The following NRROS variants were observed in gnomAD, a reference collection of about 807,000 sequenced individuals.
NRROS encodes the protein transforming growth factor beta activator LRRC33.
In NRROS, 6 loss-of-function variants were observed where a neutral mutation model predicts 12.0. The observed-to-expected ratio is 0.50, with a 90% confidence interval of 0.27 to 0.98. The LOEUF (loss-of-function observed/expected upper bound fraction) is 0.98. Among genes scored for constraint, NRROS ranks in the 50% least tolerant of loss-of-function variants. The probability of loss-of-function intolerance (pLI) is 0.11; values close to 1 mark genes in which losing one functional copy is unlikely to be tolerated. For synonymous variants in NRROS, 462 were observed against 410.2 expected, an observed-to-expected ratio of 1.13 and a Z score of -1.53; for missense variants, 857 against 888.2, an observed-to-expected ratio of 0.96 and a Z score of 0.45.
intron 2 of NRROS, among the ~76,000 whole-genome samples, chr3:196,659,183 G>C (rs1737606356): frequency 6.6e-6 from 1 of 151,984 alleles, no homozygotes; most frequent in Admixed American, 6.6e-5. Flanking sequence ...GCACTGAACT[G>C]GGCATTCAGA....
At chr3:196,657,693 G>A (rs1370966067) in intron 2 of NRROS, among the ~76,000 whole-genome samples, 3 of 143,594 alleles carry the variant, frequency 2.1e-5, no homozygotes, top group African/African-American at 5.2e-5. Flanking sequence ...GACGACAAGA[G>A]TGAGACTCTG....
chr3:196,661,496 T>G lies in NRROS; in HGVS notation c.1853T>G (p.Met618Arg). ...GGGCAGACGGTGGCCGACTGGGCCATGGTCACCTGCAACCTCTCCTCCAAG... is the reference window on the plus strand; with the variant it reads ...GGGCAGACGGTGGCCGACTGGGCCAGGGTCACCTGCAACCTCTCCTCCAAG... ...QHGQTVADWAMVTCNLSSKII... is the reference protein window; with the variant it reads ...QHGQTVADWARVTCNLSSKII... Residue 618 changes from methionine to arginine, a missense_variant, in exon 3 of 3, where the codon ATG (methionine) becomes AGG (arginine). Transcript: ENST00000328557. 1 of 1,609,876 alleles carries G rather than the reference T, an allele frequency of 6.2e-7. No homozygotes were observed. Among genetic ancestry groups the G allele is most frequent in the Non-Finnish European group, 8.5e-7 (1 of 1,176,828 alleles).
In NRROS at chr3:196,660,978, T is replaced by C. The variant is rs773942496; in HGVS notation, c.1335T>C (p.Ala445=). 1 of 1,614,218 alleles carries C rather than the reference T, an allele frequency of 6.2e-7. No individual in the cohort carries two copies. The highest frequency in any genetic ancestry group is 1.7e-5 in the Admixed American group (1 of 60,024). Residue 445 remains alanine (A), a synonymous_variant, in exon 3 of 3, where the codon GCT becomes GCC. Transcript: ENST00000328557. The surrounding 1 kb of genome is among the most constrained non-coding windows in gnomAD (Gnocchi z 7.7). The part of the protein sequence containing the change: ...HNQISLCPLP[A]ASDRVGPPSC... ...AGATCTCACTTTGTCCCCTGCCAGC[T>C]GCCTCGGACCGGGTGGGCCCCCCTA...
rs201623634 is a variant in NRROS at position 196,659,840 on chromosome 3, C to T, written c.197C>T (p.Ala66Val). ...CACGCCCGGATGCTCACCCTGGATG[C>T]CAACCCTCTCAAGACCCTGTGGAAT... ...PPHARMLTLD[A>V]NPLKTLWNHS... Residue 66 changes from alanine to valine, a missense_variant, in exon 3 of 3, where the codon GCC (alanine) becomes GTC (valine). Transcript: ENST00000328557. 437 of 1,614,064 alleles carry T rather than the reference C, an allele frequency of 2.7e-4. 5 individuals carry two copies. In the South Asian group the frequency reaches 4.0e-3, roughly 15 times the overall value.
At position 196,659,913 on chromosome 3, in the gene NRROS, C is replaced by T; in HGVS notation, c.270C>T (p.Ser90=). The change falls in exon 3 of 3, where the codon AGC becomes AGT. Residue 90 remains serine (S), a synonymous_variant. Coordinates refer to ENST00000328557, the MANE Select transcript of NRROS (RefSeq NM_198565.3). ...YPLLESLSLH[S]CHLERISRGA... ...TCCTGGAGAGCCTCAGCCTGCACAG[C>T]TGCCACCTGGAGCGCATCAGCCGCG... 1 of 1,614,130 alleles carries T rather than the reference C, an allele frequency of 6.2e-7. No homozygotes were observed. The highest frequency in any genetic ancestry group is 8.5e-7 in the Non-Finnish European group (1 of 1,180,012).
chr3:196,645,178 TTTTAGC>T (rs1218577012), intron 1 of NRROS, among the ~76,000 whole-genome samples: 1 of 152,186 alleles, frequency 6.6e-6, no homozygotes, highest in African/African-American at 2.4e-5. Flanking sequence ...TCCACTCAAC[TTTTAGC>T]TTGTGATGAG....
At chr3:196,659,727 C>T (rs1260568965) in intron 2 of NRROS, 25 bp from the exon 3 acceptor site, 15 of 1,589,994 alleles carry the variant, frequency 9.4e-6, no homozygotes, top group Non-Finnish European at 1.2e-5. Context: ...CTCCTCGCTG[C>T]TGACCGGTGT....
chr3:196,647,332 G>T (rs1022665571), intron 1 of NRROS, among the ~76,000 whole-genome samples: 5 of 152,074 alleles, frequency 3.3e-5, no homozygotes, highest in Non-Finnish European at 7.4e-5. Flanking sequence ...ACAGTTCTTA[G>T]GGGGGGAGAA....
At chr3:196,642,750 C>T (rs1737232672) in intron 1 of NRROS, among the ~76,000 whole-genome samples, 1 of 152,166 alleles carries the variant, frequency 6.6e-6, no homozygotes, top group Non-Finnish European at 1.5e-5. Flanking sequence ...CTTAACACTA[C>T]TGAATTGTAC....
chr3:196,640,445 TG>T (rs999501710), intron 1 of NRROS, among the ~76,000 whole-genome samples: 2 of 152,184 alleles, frequency 1.3e-5, no homozygotes, highest in Admixed American at 6.5e-5. Flanking sequence ...TCCAAGGCCC[TG>T]GGGATACAGC....
chr3:196,660,338 A>G lies in NRROS; in HGVS notation c.695A>G (p.Asn232Ser). Residue 232 changes from asparagine to serine, a missense_variant, in exon 3 of 3, where the codon AAC becomes AGC. Physicochemically the swap from Asn to Ser is conservative, Grantham distance 46 (BLOSUM62 1). Transcript: ENST00000328557. This position sits in a 1 kb window ranked among gnomAD's most constrained non-coding sequence, Gnocchi z 7.7. ...GGGCTCACGCGGCTGCGGGTCCTCA[A>G]CGTCAGCTACAACGTCCTGGAGTGG... is the stretch of plus-strand genomic sequence containing the variant. Reference protein sequence around the residue: ...DFGLTRLRVLNVSYNVLEWFL... With the variant: ...DFGLTRLRVLSVSYNVLEWFL... The G allele has an allele frequency of 6.2e-7, 1 of 1,613,966 alleles. No individual in the cohort carries two copies. Among genetic ancestry groups the G allele is most frequent in the Non-Finnish European group, 8.5e-7 (1 of 1,179,992 alleles).
chr3:196,649,443 C>G (rs1440272410), intron 1 of NRROS, among the ~76,000 whole-genome samples: 2 of 152,106 alleles, frequency 1.3e-5, no homozygotes, highest in Non-Finnish European at 2.9e-5. Context: ...TCTGGAGAGC[C>G]CTCCCCCAGA....
Position 196,659,853 on chromosome 3 carries a change from G to C in NRROS, c.210G>C (p.Lys70Asn). ...TCACCCTGGATGCCAACCCTCTCAA[G>C]ACCCTGTGGAATCACTCCCTCCAGC... ...RMLTLDANPL[K>N]TLWNHSLQPY... is the part of the protein sequence containing the mutation. Residue 70 changes from lysine (K) to asparagine (N), a missense_variant, in exon 3 of 3, where the codon AAG (lysine) becomes AAC (asparagine). Transcript: ENST00000328557. 6.2e-7 allele frequency: 1 copy of C among 1,614,052 alleles called. No homozygotes were observed. The highest frequency in any genetic ancestry group is 1.1e-5 in the South Asian group (1 of 91,084).
chr3:196,657,659 A>T (rs1452639024), intron 2 of NRROS, among the ~76,000 whole-genome samples: 1 of 149,992 alleles, frequency 6.7e-6, no homozygotes, highest in Non-Finnish European at 1.5e-5. Context: ...GCAAGCAGAG[A>T]TGGCGCCATT....
chr3:196,639,890 C>G lies in NRROS; in HGVS notation c.-14+15C>G, dbSNP rs1004701603. The G allele has an allele frequency of 7.2e-5, 11 of 152,330 alleles. No homozygotes were observed. Among genetic ancestry groups the G allele is most frequent in the Non-Finnish European group, 1.6e-4 (11 of 68,072 alleles). 9.4% of individuals were successfully genotyped at this position (152,330 alleles called of 1,614,324 possible). On this transcript the variant is annotated intron_variant, in intron 1 of 2. Coordinates refer to ENST00000328557, the MANE Select transcript of NRROS (RefSeq NM_198565.3). ...CTGCGGGAGCCGTGAGTATTTCCCG[C>G]GTGGGGGCGTCCCCGGGGCACAGCC... is the stretch of plus-strand genomic sequence containing the variant.
intron 2 of NRROS, 136 bp from the exon 3 acceptor site, chr3:196,659,616 T>C (rs1737617195): frequency 1.1e-6 from 1 of 915,678 alleles, no homozygotes; most frequent in South Asian, 1.8e-5. Context: ...GCCTTGTCTA[T>C]CCTATTTTTA....
rs1336342341 is a variant in NRROS, at chr3:196,660,181, C to T, written c.538C>T (p.Leu180=). ...MRLDDSVFEG[L]ERLRELDLQR... is the part of the protein sequence containing the mutation. ...GCTGGACGACTCCGTCTTCGAGGGCCTGGAGCGTCTCCGGGAGCTGGATCT... is the reference window on the plus strand; with the variant it reads ...GCTGGACGACTCCGTCTTCGAGGGCTTGGAGCGTCTCCGGGAGCTGGATCT... Residue 180 remains leucine, a synonymous_variant, in exon 3 of 3, where the codon CTG becomes TTG. Coordinates refer to ENST00000328557, the MANE Select transcript of NRROS (RefSeq NM_198565.3). The surrounding 1 kb of genome is among the most constrained non-coding windows in gnomAD (Gnocchi z 7.7). 10 of 1,613,016 alleles carry T rather than the reference C, an allele frequency of 6.2e-6. No individual in the cohort carries two copies. Among genetic ancestry groups the T allele is most frequent in the African/African-American group, 1.3e-5 (1 of 74,946 alleles).
chr3:196,642,226 A>T (rs1363415605), intron 1 of NRROS, among the ~76,000 whole-genome samples: 2 of 151,078 alleles, frequency 1.3e-5, no homozygotes, highest in Non-Finnish European at 2.9e-5. Context: ...CAAGAATCAG[A>T]TTCTTAGATA....
chr3:196,654,907 G>A lies in NRROS; in HGVS notation c.108+260G>A. 1 of 414,460 alleles carries A rather than the reference G, an allele frequency of 2.4e-6. No homozygotes were observed. Among genetic ancestry groups the A allele is most frequent in the South Asian group, 3.7e-5 (1 of 26,838 alleles). The allele number at this position is 414,460 out of a possible 1,614,324, so 25.7% of individuals were successfully genotyped here. A position where few individuals can be genotyped will look rare whatever the true frequency, so the allele number is the denominator to read the frequency against. On this transcript the variant is annotated intron_variant, in intron 2 of 2. Coordinates refer to ENST00000328557, the MANE Select transcript of NRROS (RefSeq NM_198565.3). The surrounding 1 kb of genome is among the most constrained non-coding windows in gnomAD (Gnocchi z 4.4). ...TAGGAGGCATCCGAGACCAGCCTAG[G>A]GCATCCTCCCGGAACAAGAACAACT...
Sources: allele counts gnomAD v4.1 joint callset (sites outside exome capture counted in the v4.1 genomes callset), GRCh38; gene constraint gnomAD v4.1.1; non-coding constraint Gnocchi (gnomAD v3.1); transcripts MANE v1.5; gene names NCBI Gene and HGNC (gene_info 2026-07-23, HGNC 2026-07-21).